The following ARMH3 variants were observed in gnomAD, a reference collection of about 807,000 sequenced individuals.
The protein encoded by ARMH3 is armadillo like helical domain containing 3.
In ARMH3, 60 loss-of-function variants were observed where a neutral mutation model predicts 99.1. The ratio of observed to expected loss-of-function variants is 0.61; its 90% CI spans 0.49 to 0.75. The LOEUF (loss-of-function observed/expected upper bound fraction) is 0.75, where lower values mean the gene tolerates loss of function less well. Among genes scored for constraint, ARMH3 ranks in the 30% least tolerant of loss-of-function variants. The pLI is 0.00. For missense variants in ARMH3, 679 were observed against 843.1 expected, an observed-to-expected ratio of 0.81 and a Z score of 2.41; for synonymous variants, 285 against 292.8, an observed-to-expected ratio of 0.97 and a Z score of 0.27.
chr10:101,926,874 A>G (rs1249912005), intron 23 of ARMH3, among the ~76,000 whole-genome samples: 2 of 152,206 alleles, frequency 1.3e-5, no homozygotes, highest in Non-Finnish European at 2.9e-5. Context: ...AAAGCAGCCC[A>G]TCTCCAGAGA....
intron 19 of ARMH3, among the ~76,000 whole-genome samples, chr10:101,984,415 G>C (rs1441980612): frequency 6.6e-6 from 1 of 152,106 alleles, no homozygotes; most frequent in Non-Finnish European, 1.5e-5. Context: ...GGTGCTAATG[G>C]CTTTGTTGCA....
chr10:101,949,022 A>G (rs563454205), intron 22 of ARMH3, among the ~76,000 whole-genome samples: 22 of 152,310 alleles, frequency 1.4e-4, no homozygotes, highest in Non-Finnish European at 2.6e-4. Context: ...TTCAAGGGAA[A>G]TAAGAAAATA....
intron 22 of ARMH3, among the ~76,000 whole-genome samples, chr10:101,940,745 A>C (rs1213289131): frequency 6.6e-6 from 1 of 152,142 alleles, no homozygotes; most frequent in African/African-American, 2.4e-5. Context: ...TGCAAAATGA[A>C]TCTACAAGAA....
At chr10:102,042,794 C>T (rs1254066691) in intron 1 of ARMH3, among the ~76,000 whole-genome samples, 4 of 152,190 alleles carry the variant, frequency 2.6e-5, no homozygotes, top group Non-Finnish European at 2.9e-5. Context: ...AAATATCGGC[C>T]GGGTGCAGTG....
intron 1 of ARMH3, among the ~76,000 whole-genome samples, chr10:102,043,020 C>T (rs1170176736): frequency 6.6e-6 from 1 of 152,148 alleles, no homozygotes; most frequent in African/African-American, 2.4e-5. Context: ...TGCGGTGAGA[C>T]GAGATTGCGC....
At chr10:101,955,693 T>A (rs1333209658) in intron 22 of ARMH3, among the ~76,000 whole-genome samples, 1 of 152,070 alleles carries the variant, frequency 6.6e-6, no homozygotes, top group Non-Finnish European at 1.5e-5. Context: ...AGCAAACCAA[T>A]CTACAGTGAC....
intron 23 of ARMH3, among the ~76,000 whole-genome samples, chr10:101,906,745 T>C (rs761134383): frequency 2.6e-5 from 4 of 152,172 alleles, no homozygotes; most frequent in Non-Finnish European, 4.4e-5. Flanking sequence ...GAATGTCAAG[T>C]CTGAAGTACT....
intron 5 of ARMH3, among the ~76,000 whole-genome samples, chr10:102,026,700 T>C (rs1395388374): frequency 6.6e-6 from 1 of 152,082 alleles, no homozygotes; most frequent in East Asian, 1.9e-4. Context: ...ATTTTGAAAG[T>C]TTTATAAGTC....
At chr10:102,027,122 T>C (rs2067016486) in intron 5 of ARMH3, among the ~76,000 whole-genome samples, 1 of 151,810 alleles carries the variant, frequency 6.6e-6, no homozygotes, top group Non-Finnish European at 1.5e-5. Context: ...CTACTACAAA[T>C]ACAAAAATTA....
At chr10:101,875,220 C>A (rs1425865736) in intron 24 of ARMH3, among the ~76,000 whole-genome samples, 8 of 151,930 alleles carry the variant, frequency 5.3e-5, no homozygotes, top group Non-Finnish European at 1.2e-4. Flanking sequence ...ACTTTAGTAG[C>A]CCAAAGTGAC....
intron 20 of ARMH3, among the ~76,000 whole-genome samples, chr10:101,967,699 G>A (rs927613073): frequency 4.6e-5 from 7 of 152,100 alleles, no homozygotes; most frequent in Non-Finnish European, 7.4e-5. Flanking sequence ...ATCGCGCCAC[G>A]GCACTCCAGC....
intron 24 of ARMH3, among the ~76,000 whole-genome samples, chr10:101,870,420 T>TA (rs886668684): frequency 6.6e-6 from 1 of 152,116 alleles, no homozygotes; most frequent in African/African-American, 2.4e-5. Context: ...TGAAACACAT[T>TA]AAAAAAAGAT....
chr10:101,922,878 G>A (rs1843357975), intron 23 of ARMH3, among the ~76,000 whole-genome samples: 1 of 152,084 alleles, frequency 6.6e-6, no homozygotes, highest in Non-Finnish European at 1.5e-5. Flanking sequence ...AACTGTCTTT[G>A]GAGCTTCCTT....
At chr10:102,037,998 G>A (rs573749321) in intron 2 of ARMH3, among the ~76,000 whole-genome samples, 63 of 151,964 alleles carry the variant, frequency 4.1e-4, no homozygotes, top group Non-Finnish European at 7.2e-4. Flanking sequence ...CAAATGAAAC[G>A]GAGGGAATTC....
intron 20 of ARMH3, among the ~76,000 whole-genome samples, chr10:101,960,686 C>T (rs1172833944): frequency 1.3e-5 from 2 of 151,748 alleles, no homozygotes; most frequent in Non-Finnish European, 2.9e-5. Flanking sequence ...GTCAGGAGTT[C>T]GAGACCAGCC....
chr10:102,054,977 C>G (rs753498543), intron 1 of ARMH3, among the ~76,000 whole-genome samples: 6 of 148,512 alleles, frequency 4.0e-5, no homozygotes, highest in Non-Finnish European at 7.4e-5. Context: ...GCCTGGGCAA[C>G]GAGAGCGAAA....
intron 24 of ARMH3, 97 bp from the exon 25 acceptor site, chr10:101,849,989 A>G: frequency 1.0e-6 from 1 of 1,004,818 alleles, no homozygotes; most frequent in South Asian, 1.5e-5. Flanking sequence ...TTGGTCTGTG[A>G]CAACACCCCC....
Position 101,847,601 on chromosome 10 carries a change from T to C in ARMH3, c.1997A>G (p.Asn666Ser), listed in dbSNP as rs747472453. 6.2e-7 allele frequency: 1 copy of C among 1,614,118 alleles called. No homozygotes were observed. The highest frequency in any genetic ancestry group is 1.1e-5 in the South Asian group (1 of 91,092). Residue 666 changes from asparagine (N) to serine (S), a missense_variant, in exon 26 of 26, where the codon AAC (asparagine) becomes AGC (serine). Coordinates refer to ENST00000370033, the MANE Select transcript of ARMH3 (RefSeq NM_024541.3). ...GTGGAAGGCCAGGTTTCTCCGGACG[T>C]TGGTGCTAATGGATCGAACCTGGGA... ...FKELVRSIST[N>S]VRRNLAFHTL...
intron 24 of ARMH3, among the ~76,000 whole-genome samples, chr10:101,869,167 C>T (rs1166866127): frequency 1.3e-5 from 2 of 151,912 alleles, no homozygotes; most frequent in Non-Finnish European, 2.9e-5. Flanking sequence ...TTCAACTGCA[C>T]AGGGGGCCAG....
Sources: allele counts gnomAD v4.1 joint callset (sites outside exome capture counted in the v4.1 genomes callset), GRCh38; gene constraint gnomAD v4.1.1; transcripts MANE v1.5; gene names NCBI Gene and HGNC (gene_info 2026-07-23, HGNC 2026-07-21).